Variants in YTHDF1 observed in about 807,000 individuals in gnomAD.
The protein encoded by YTHDF1 is YTH domain-containing family protein 1.
YTHDF1 carries 16 observed loss-of-function variants against 49.1 expected under a neutral mutation model. That is an observed-to-expected ratio of 0.33 (90% CI 0.22 to 0.49). The LOEUF is 0.49. Among genes scored for constraint, YTHDF1 ranks in the 20% least tolerant of loss-of-function variants. YTHDF1 has a pLI of 0.99. For missense variants in YTHDF1, 621 were observed against 744.3 expected, an observed-to-expected ratio of 0.83 and a Z score of 1.93; for synonymous variants, 313 against 290.1, an observed-to-expected ratio of 1.08 and a Z score of -0.80.
At chr20:63,205,802 C>T (rs2066543202) in intron 3 of YTHDF1, among the ~76,000 whole-genome samples, 1 of 152,220 alleles carries the variant, frequency 6.6e-6, no homozygotes, top group Non-Finnish European at 1.5e-5. Flanking sequence ...AGCCACAGCG[C>T]CTGGCCCCAG....
In YTHDF1 at chr20:63,215,973, C is replaced by T. The variant is rs1316940898; in HGVS notation, c.-81G>A. 6.7e-5 allele frequency: 78 copies of T among 1,164,424 alleles called. No homozygotes were observed. The highest frequency in any genetic ancestry group is 8.0e-5 in the Non-Finnish European group (75 of 943,222). The allele number at this position is 1,164,424 out of a possible 1,614,324, so 72.1% of individuals were successfully genotyped here. ...AGAGGCCGGGCCTGTCACCCTAGCT[C>T]GCGCGGCCCCGGGCCCCGCCGCCAA... is the stretch of plus-strand genomic sequence containing the variant. On this transcript the variant is annotated 5_prime_UTR_variant, in exon 1 of 5. Transcript: ENST00000370339.
intron 2 of YTHDF1, 191 bp from the exon 3 acceptor site, chr20:63,214,134 A>C: frequency 1.0e-6 from 1 of 971,278 alleles, no homozygotes; most frequent in Non-Finnish European, 1.2e-6. Flanking sequence ...AACTTTCAAT[A>C]ATTTAGGATA....
At position 63,203,363 on chromosome 20, in the gene YTHDF1, C is replaced by T. The variant is rs1481425709; in HGVS notation, c.577G>A (p.Gly193Arg). 6.2e-7 allele frequency: 1 copy of T among 1,613,106 alleles called. No individual in the cohort carries two copies. Among genetic ancestry groups the T allele is most frequent in the African/African-American group, 1.3e-5 (1 of 75,058 alleles). Residue 193 changes from glycine (G) to arginine (R), a missense_variant, in exon 4 of 5, where the codon GGG (glycine) becomes AGG (arginine). Gly to Arg is a moderately radical substitution (Grantham distance 125). Coordinates refer to ENST00000370339, the MANE Select transcript of YTHDF1 (RefSeq NM_017798.4). The surrounding 1 kb of genome is among the most constrained non-coding windows in gnomAD (Gnocchi z 4.4). Reference sequence around the variant, plus strand: ...TTGACGGCGGAGGAGCTGACGTCCCCAATCTTCAGGCCAACCATGCCCTGC... The same window carrying T: ...TTGACGGCGGAGGAGCTGACGTCCCTAATCTTCAGGCCAACCATGCCCTGC... ...LEQGMVGLKI[G>R]DVSSSAVKTV...
intron 4 of YTHDF1, 147 bp from the exon 5 acceptor site, chr20:63,196,881 C>T: frequency 1.2e-6 from 1 of 846,496 alleles, no homozygotes; most frequent in Non-Finnish European, 1.8e-6. Context: ...CAGCACACAA[C>T]TCTGAGCTGC....
rs35461290 is a variant in YTHDF1, at chr20:63,202,910, C to A, written c.1030G>T (p.Ala344Ser). 1.7e-4 allele frequency: 275 copies of A among 1,614,008 alleles called. No individual in the cohort carries two copies. The African/African-American group carries it at 3.4e-3, about 20-fold the overall frequency. ...CCAGGAGAGTTGCTATCGCTGCCAG[C>A]CCCTCCGCTCTGCCCAAACGCCGCG... ...RNAAFGQSGG[A>S]GSDSNSPGNV... The change falls in exon 4 of 5, where the codon GCT becomes TCT. Residue 344 changes from alanine to serine, a missense_variant. This residue lies in a region of YTHDF1 where 470 missense variants were observed against 495.8 expected (regional missense o/e 0.95). Transcript: ENST00000370339.
rs756430202 is a variant in YTHDF1, at chr20:63,202,554, G to A, written c.1386C>T (p.Ala462=). Residue 462 remains alanine (A), a synonymous_variant, in exon 4 of 5, where the codon GCC becomes GCT. Transcript: ENST00000370339. The stretch of plus-strand genomic sequence containing the variant: ...TCCACTTGTCCTGAGACCAGACCCC[G>A]GCACTGGTGCCGTAGTCCACGGGGG... ...MKSPVDYGTS[A]GVWSQDKWKG... 9.9e-6 allele frequency: 16 copies of A among 1,614,102 alleles called. No homozygotes were observed. The highest frequency in any genetic ancestry group is 6.6e-5 in the South Asian group (6 of 91,090).
At chr20:63,215,735 C>A in intron 1 of YTHDF1, 131 bp downstream of exon 1, 1 of 1,383,158 alleles carries the variant, frequency 7.2e-7, no homozygotes, top group African/African-American at 1.5e-5. Flanking sequence ...ACGTGCGACC[C>A]CGGCCCCGAG....
In YTHDF1 at chr20:63,215,850, A is replaced by G; in HGVS notation, c.27+16T>C. On this transcript the variant is annotated intron_variant, in intron 1 of 4. Transcript: ENST00000370339. ...CCTCGGCCCCGGCCGCGGCCCCTGTAACCCGGCCCCGCTACCTGGGTGTCC... is the reference window on the plus strand; with the variant it reads ...CCTCGGCCCCGGCCGCGGCCCCTGTGACCCGGCCCCGCTACCTGGGTGTCC... 1 of 1,457,098 alleles carries G rather than the reference A, an allele frequency of 6.9e-7. No homozygotes were observed. Among genetic ancestry groups the G allele is most frequent in the South Asian group, 1.3e-5 (1 of 74,742 alleles). The allele number at this position is 1,457,098 out of a possible 1,614,324, so 90.3% of individuals were successfully genotyped here.
chr20:63,211,958 AAT>A lies in YTHDF1; in HGVS notation c.132+1904_132+1905del, dbSNP rs1482812560. 1.4e-4 allele frequency among the ~76,000 whole-genome samples: 12 copies of A among 88,486 alleles called. No homozygotes were observed. In the South Asian group the frequency reaches 2.9e-3, roughly 21 times the overall value. 58.1% of individuals were successfully genotyped at this position (88,486 alleles called of 152,430 possible). The stretch of plus-strand genomic sequence containing the variant: ...GGTAACAGCAGGACCCTGTCTCCAA[AAT>A]ACACACACACACACACACACACACA... On this transcript the variant is annotated intron_variant, in intron 3 of 4. Coordinates refer to ENST00000370339, the MANE Select transcript of YTHDF1 (RefSeq NM_017798.4).
At chr20:63,214,108 T>G in intron 2 of YTHDF1, 165 bp from the exon 3 acceptor site, 1 of 970,370 alleles carries the variant, frequency 1.0e-6, no homozygotes, top group Non-Finnish European at 1.2e-6. Context: ...TACAACTAAT[T>G]AGAAGGGGGA....
At chr20:63,206,406 C>T (rs377239242) in intron 3 of YTHDF1, among the ~76,000 whole-genome samples, 1 of 152,192 alleles carries the variant, frequency 6.6e-6, no homozygotes, top group South Asian at 2.1e-4. Flanking sequence ...ATGTAACATT[C>T]CTGAAAATCC....
rs372665682 is a variant in YTHDF1 at position 63,203,568 on chromosome 20, A to T, written c.372T>A (p.Pro124=). 8.8e-4 allele frequency: 1,416 copies of T among 1,614,130 alleles called. 32 individuals are homozygous for T. The South Asian group carries it at 0.014, about 16-fold the overall frequency. The change falls in exon 4 of 5, where the codon CCT becomes CCA. Residue 124 remains proline, a synonymous_variant. Transcript: ENST00000370339. The surrounding 1 kb of genome is among the most constrained non-coding windows in gnomAD (Gnocchi z 4.4). ...NIYQHRFNFF[P]ENPAFSAWGT... ...CCCATGCTGAGAACGCAGGGTTTTCAGGGAAAAAATTGAACCTGTGCTGAT... is the reference window on the plus strand; with the variant it reads ...CCCATGCTGAGAACGCAGGGTTTTCTGGGAAAAAATTGAACCTGTGCTGAT...
intron 3 of YTHDF1, among the ~76,000 whole-genome samples, chr20:63,205,710 T>C (rs910115869): frequency 4.6e-5 from 7 of 152,232 alleles, no homozygotes; most frequent in African/African-American, 1.4e-4. Context: ...GATTTCATCA[T>C]CTTTGCCAGG....
intron 3 of YTHDF1, among the ~76,000 whole-genome samples, chr20:63,206,823 C>G (rs1288624100): frequency 6.6e-6 from 1 of 151,248 alleles, no homozygotes; most frequent in Non-Finnish European, 1.5e-5. Context: ...TGAAGTCAGT[C>G]ATTCTGTACA....
intron 3 of YTHDF1, among the ~76,000 whole-genome samples, chr20:63,213,623 T>C (rs1342282240): frequency 6.6e-6 from 1 of 152,142 alleles, no homozygotes; most frequent in Non-Finnish European, 1.5e-5. Flanking sequence ...TAGAGCCAAC[T>C]AGACCTGTTT....
intron 4 of YTHDF1, among the ~76,000 whole-genome samples, chr20:63,197,934 A>C (rs1435172481): frequency 1.3e-5 from 2 of 152,114 alleles, no homozygotes; most frequent in East Asian, 1.9e-4. Flanking sequence ...ACTGGAATAA[A>C]CACCAGCCTC....
At position 63,215,979 on chromosome 20, in the gene YTHDF1, G is replaced by A; in HGVS notation, c.-87C>T. On this transcript the variant is annotated 5_prime_UTR_variant, in exon 1 of 5. Coordinates refer to ENST00000370339, the MANE Select transcript of YTHDF1 (RefSeq NM_017798.4). ...CGGGCCTGTCACCCTAGCTCGCGCG[G>A]CCCCGGGCCCCGCCGCCAATTCCCC... is the stretch of plus-strand genomic sequence containing the variant. The A allele has an allele frequency of 8.8e-7, 1 of 1,140,034 alleles. No homozygotes were observed. The highest frequency in any genetic ancestry group is 1.1e-6 in the Non-Finnish European group (1 of 926,292). The allele number at this position is 1,140,034 out of a possible 1,614,324, so 70.6% of individuals were successfully genotyped here. A position where few individuals can be genotyped will look rare whatever the true frequency, so the allele number is the denominator to read the frequency against.
chr20:63,202,176 C>A, intron 4 of YTHDF1, 111 bp downstream of exon 4: 8 of 1,419,560 alleles, frequency 5.6e-6, no homozygotes, highest in East Asian at 2.3e-5. Context: ...CTGCCTGTCA[C>A]GAGACTCAGC....
intron 1 of YTHDF1, 45 bp from the exon 2 acceptor site, chr20:63,215,646 G>T: frequency 6.3e-7 from 1 of 1,580,824 alleles, no homozygotes; most frequent in Non-Finnish European, 8.6e-7. Flanking sequence ...CAACCCGGGG[G>T]AAGAGGGAAA....
Sources: gnomAD v4.1 joint callset for allele counts (sites outside exome capture counted in the v4.1 genomes callset) on GRCh38, gnomAD v4.1.1 for gene constraint, gnomAD v4.1.1 regional missense constraint, Gnocchi (gnomAD v3.1) non-coding constraint, MANE v1.5 for transcripts, NCBI Gene and HGNC (gene_info 2026-07-23, HGNC 2026-07-21) for gene names.